The following TMC5 variants were observed in gnomAD, a reference collection of about 807,000 sequenced individuals.
TMC5 encodes the protein transmembrane channel like 5.
A neutral mutation model predicts 110.5 loss-of-function variants in TMC5; 86 were observed. That is an observed-to-expected ratio of 0.78 (90% CI 0.65 to 0.93). The LOEUF is 0.93. Among genes scored for constraint, TMC5 ranks in the 40% least tolerant of loss-of-function variants. TMC5 has a pLI of 0.00. For synonymous variants in TMC5, 455 were observed against 439.5 expected (o/e 1.04, Z -0.44); for missense variants, 1,144 against 1,222.8 (o/e 0.94, Z 0.96).
chr16:19,496,099 A>G lies in TMC5; in HGVS notation c.2932-1022A>G, dbSNP rs535897600. Among the ~76,000 whole-genome samples, 46 of 151,412 alleles carry G rather than the reference A, an allele frequency of 3.0e-4. 1 individual carries two copies. Among genetic ancestry groups the G allele is most frequent in the East Asian group, 7.8e-4 (4 of 5,144 alleles). ...CTTGGACCCAGGAGGTGGAGATTGC[A>G]GTGAGCCAAGGTCACACCATTGCAC... On this transcript the variant is annotated intron_variant, in intron 20 of 21. Coordinates refer to ENST00000542583, the MANE Select transcript of TMC5 (RefSeq NM_001261841.2).
chr16:19,479,445 C>T lies in TMC5; in HGVS notation c.2184C>T (p.Leu728=), dbSNP rs951817291. The part of the protein sequence containing the change: ...ALSGEECWET[L]IGQDIYRLLL... ...TTGCCTTCCAGTGTTGGGAAACCCT[C>T]ATTGGCCAGGACATCTACCGGCTCC... Residue 728 remains leucine (L), a synonymous_variant, in exon 14 of 22, where the codon CTC becomes CTT. Transcript: ENST00000542583. 1.9e-5 allele frequency: 31 copies of T among 1,613,828 alleles called. No individual in the cohort carries two copies. Among genetic ancestry groups the T allele is most frequent in the Non-Finnish European group, 2.5e-5 (30 of 1,179,860 alleles).
chr16:19,464,815 C>T (rs1025294677), intron 8 of TMC5, among the ~76,000 whole-genome samples: 1 of 151,306 alleles, frequency 6.6e-6, no homozygotes, highest in African/African-American at 2.4e-5. Context: ...TTGTCCAACT[C>T]CCCATTTTGA....
At chr16:19,481,324 A>T in intron 14 of TMC5, 46 bp from the exon 15 acceptor site, 1 of 1,324,240 alleles carries the variant, frequency 7.6e-7, no homozygotes, top group Non-Finnish European at 1.1e-6. Context: ...GATCTTCTGA[A>T]AGTGGGAGTT....
chr16:19,487,563 G>A (rs925455970), intron 17 of TMC5, among the ~76,000 whole-genome samples: 14 of 152,008 alleles, frequency 9.2e-5, no homozygotes, highest in African/African-American at 2.9e-4. Context: ...TTAGCCAAGT[G>A]TGGTGGTGCA....
intron 4 of TMC5, among the ~76,000 whole-genome samples, chr16:19,444,579 C>T (rs9925965): frequency 1.3e-5 from 2 of 152,062 alleles, no homozygotes; most frequent in Admixed American, 6.6e-5. Context: ...TTTCAGAAGC[C>T]GTGTATTTGG....
At position 19,444,990 on chromosome 16, in the gene TMC5, G is replaced by A. The variant is rs553572218; in HGVS notation, c.958+740G>A. ...TACTAAAAATACAAAAATTAGCCAG[G>A]CATAGTGGAGGGCACCTGTAATGCC... is the stretch of plus-strand genomic sequence containing the variant. On this transcript the variant is annotated intron_variant, in intron 4 of 21. Transcript: ENST00000542583. 4.6e-5 allele frequency among the ~76,000 whole-genome samples: 7 copies of A among 152,242 alleles called. No homozygotes were observed. The East Asian group carries it at 7.7e-4, about 17-fold the overall frequency.
rs745398365 is a variant in TMC5 at position 19,498,017 on chromosome 16, T to C, written c.*51T>C. 7.1e-6 allele frequency: 11 copies of C among 1,552,596 alleles called. No homozygotes were observed. In the Admixed American group the frequency reaches 1.3e-4, roughly 19 times the overall value. On this transcript the variant is annotated 3_prime_UTR_variant, in exon 22 of 22. Coordinates refer to ENST00000542583, the MANE Select transcript of TMC5 (RefSeq NM_001261841.2). ...ATCAAATAAGGGGAGGAGACGAAAA[T>C]GGAATGATTTCTTCCATGCCACCTG...
In TMC5 at chr16:19,477,516, G is replaced by C. The variant is rs1335035810; in HGVS notation, c.2167G>C (p.Glu723Gln). Residue 723 changes from glutamate (E) to glutamine (Q), a missense_variant and splice_region_variant, in exon 13 of 22, where the codon GAG (glutamate) becomes CAG (glutamine). Transcript: ENST00000542583. ...WLNTVALSGEECWETLIGQDI... is the reference protein window; with the variant it reads ...WLNTVALSGEQCWETLIGQDI... The stretch of plus-strand genomic sequence containing the variant: ...CAACACCGTGGCCCTGTCTGGTGAA[G>C]AGGTGAGATTCTATGCTTCTCTGCC... 2 of 1,604,432 alleles carry C rather than the reference G, an allele frequency of 1.2e-6. No homozygotes were observed. The highest frequency in any genetic ancestry group is 2.2e-5 in the South Asian group (2 of 89,424).
intron 8 of TMC5, 27 bp downstream of exon 8, chr16:19,464,051 A>G: frequency 6.2e-7 from 1 of 1,607,952 alleles, no homozygotes; most frequent in Non-Finnish European, 8.5e-7. Context: ...CCCTACCCCA[A>G]GTGCACCAAT....
chr16:19,412,375 T>C (rs927749329), intron 1 of TMC5, among the ~76,000 whole-genome samples: 1 of 144,462 alleles, frequency 6.9e-6, no homozygotes, highest in African/African-American at 2.6e-5. Flanking sequence ...CCCGACTTTC[T>C]TTTTTTTTTT....
intron 4 of TMC5, among the ~76,000 whole-genome samples, chr16:19,446,513 C>T (rs979812091): frequency 6.6e-6 from 1 of 152,200 alleles, no homozygotes; most frequent in Non-Finnish European, 1.5e-5. Flanking sequence ...AGTCTCTGTC[C>T]AGCACTTGAC....
At chr16:19,435,623 C>A (rs569717375) in intron 2 of TMC5, among the ~76,000 whole-genome samples, 4 of 152,262 alleles carry the variant, frequency 2.6e-5, no homozygotes. Context: ...CTTTAACCAC[C>A]GCTCAAGATC....
In TMC5 at chr16:19,464,081, C is replaced by T. The variant is rs1219048609; in HGVS notation, c.1485+57C>T. The T allele has an allele frequency of 2.7e-5, 42 of 1,571,268 alleles. No individual in the cohort carries two copies. In the Middle Eastern group the frequency reaches 8.0e-4, roughly 30 times the overall value. On this transcript the variant is annotated intron_variant, in intron 8 of 21. Coordinates refer to ENST00000542583, the MANE Select transcript of TMC5 (RefSeq NM_001261841.2). ...ACCAATCACCTCGGAAACCCAGGGA[C>T]GTGCCTTGCCGGTCACCCACTCACA...
At chr16:19,449,006 C>T (rs1260642318) in intron 4 of TMC5, among the ~76,000 whole-genome samples, 5 of 151,152 alleles carry the variant, frequency 3.3e-5, no homozygotes, top group Non-Finnish European at 2.9e-5. Context: ...CTACAGGCGC[C>T]CGCCACTACA....
intron 1 of TMC5, among the ~76,000 whole-genome samples, chr16:19,419,663 C>T (rs890429037): frequency 1.3e-5 from 2 of 152,082 alleles, no homozygotes; most frequent in Admixed American, 6.5e-5. Flanking sequence ...CCATCCGCCT[C>T]GGCCTCCCAA....
At chr16:19,449,244 C>T (rs1597179762) in intron 4 of TMC5, among the ~76,000 whole-genome samples, 1 of 152,070 alleles carries the variant, frequency 6.6e-6, no homozygotes, top group East Asian at 1.9e-4. Flanking sequence ...CCATGGCTTC[C>T]CAAAGCACTG....
intron 4 of TMC5, among the ~76,000 whole-genome samples, chr16:19,448,775 AAT>A (rs1213514115): frequency 1.4e-5 from 2 of 144,100 alleles, no homozygotes; most frequent in African/African-American, 2.6e-5. Flanking sequence ...TATAAAAATA[AAT>A]ATATTAGAAA....
chr16:19,429,990 T>A (rs1967163400), intron 1 of TMC5, among the ~76,000 whole-genome samples: 1 of 151,770 alleles, frequency 6.6e-6, no homozygotes, highest in Admixed American at 6.6e-5. Flanking sequence ...TACTGCGGAC[T>A]GGGACTTGAA....
intron 1 of TMC5, among the ~76,000 whole-genome samples, chr16:19,419,141 T>C (rs1966921683): frequency 6.6e-6 from 1 of 152,174 alleles, no homozygotes; most frequent in Non-Finnish European, 1.5e-5. Flanking sequence ...GTGAGTTACT[T>C]AACCTCTCTG....
Sources: gnomAD v4.1 joint callset for allele counts (sites outside exome capture counted in the v4.1 genomes callset) on GRCh38, gnomAD v4.1.1 for gene constraint, MANE v1.5 for transcripts, NCBI Gene and HGNC (gene_info 2026-07-23, HGNC 2026-07-21) for gene names.